The following STPG2 variants were observed in gnomAD, a reference collection of about 807,000 sequenced individuals.
STPG2 encodes the protein sperm-tail PG-rich repeat-containing protein 2.
In STPG2, 56 loss-of-function variants were observed where a neutral mutation model predicts 54.2. The observed-to-expected ratio is 1.03, with a 90% CI of 0.83 to 1.29. The LOEUF is 1.29. Among genes scored for constraint, STPG2 ranks in the 50% most tolerant of loss-of-function variants. The pLI is 0.00. For synonymous variants in STPG2, 200 were observed against 181.8 expected, an observed-to-expected ratio of 1.10 and a Z score of -0.81; for missense variants, 596 against 544.9, an observed-to-expected ratio of 1.09 and a Z score of -0.93.
chr4:97,659,310 T>G (rs1399145011), intron 10 of STPG2, among the ~76,000 whole-genome samples: 1 of 152,176 alleles, frequency 6.6e-6, no homozygotes, highest in Non-Finnish European at 1.5e-5. Context: ...TTAATCTTAT[T>G]TGGCTTGGAT....
At chr4:97,819,148 T>G (rs1375122012) in intron 9 of STPG2, among the ~76,000 whole-genome samples, 1 of 151,768 alleles carries the variant, frequency 6.6e-6, no homozygotes, top group Non-Finnish European at 1.5e-5. Flanking sequence ...CACTCAGAAT[T>G]ATCCTGCATT....
intron 5 of STPG2, among the ~76,000 whole-genome samples, chr4:98,015,048 C>T (rs985090415): frequency 6.6e-5 from 10 of 151,942 alleles, no homozygotes; most frequent in South Asian, 6.2e-4. Flanking sequence ...TTGTTGTTTA[C>T]GTTTAGGAAT....
intron 4 of STPG2, among the ~76,000 whole-genome samples, chr4:97,468,986 C>G (rs1345842617): frequency 2.6e-5 from 4 of 152,086 alleles, no homozygotes; most frequent in Admixed American, 2.6e-4. Flanking sequence ...ATAAAAAACA[C>G]ATACAACCAA....
At chr4:97,850,262 G>T (rs1284140583) in intron 8 of STPG2, among the ~76,000 whole-genome samples, 1 of 92,694 alleles carries the variant, frequency 1.1e-5, no homozygotes, top group Non-Finnish European at 1.9e-5. Context: ...CACACTCTGG[G>T]GACTGTGGTG....
intron 4 of STPG2, among the ~76,000 whole-genome samples, chr4:97,462,434 C>T (rs556338224): frequency 6.1e-4 from 93 of 151,976 alleles, no homozygotes; most frequent in Admixed American, 7.2e-4. Flanking sequence ...AATTTTCACA[C>T]ACACATACAA....
intron 10 of STPG2, among the ~76,000 whole-genome samples, chr4:97,618,405 G>T (rs546448818): frequency 6.6e-6 from 1 of 151,830 alleles, no homozygotes; most frequent in Non-Finnish European, 1.5e-5. Context: ...ACTGAACCCA[G>T]TCAACTCCCA....
intron 8 of STPG2, among the ~76,000 whole-genome samples, chr4:97,858,080 T>C (rs1729390170): frequency 6.6e-6 from 1 of 152,086 alleles, no homozygotes; most frequent in Non-Finnish European, 1.5e-5. Context: ...ATCTAAGAGT[T>C]ATTGGCCATA....
intron 5 of STPG2, among the ~76,000 whole-genome samples, chr4:98,022,673 G>T (rs891621347): frequency 6.6e-6 from 1 of 152,052 alleles, no homozygotes; most frequent in African/African-American, 2.4e-5. Flanking sequence ...CGTAGATTTG[G>T]TCTTTTCACA....
At chr4:98,063,600 T>C (rs1371134735) in intron 5 of STPG2, among the ~76,000 whole-genome samples, 1 of 152,082 alleles carries the variant, frequency 6.6e-6, no homozygotes, top group Non-Finnish European at 1.5e-5. Context: ...GCATTCAAGT[T>C]AAGATGTTTA....
At chr4:97,467,591 C>T (rs1484808344) in intron 4 of STPG2, among the ~76,000 whole-genome samples, 1 of 151,604 alleles carries the variant, frequency 6.6e-6, no homozygotes, top group African/African-American at 2.4e-5. Flanking sequence ...ATTCATAAAG[C>T]CTATTAAAAA....
At chr4:97,970,920 GGGCTAATA>G (rs1384906267) in intron 7 of STPG2, among the ~76,000 whole-genome samples, 1 of 152,108 alleles carries the variant, frequency 6.6e-6, no homozygotes, top group Non-Finnish European at 1.5e-5. Flanking sequence ...ATCTGACAAA[GGGCTAATA>G]TCCAGAATCT....
At chr4:97,737,009 A>C (rs1725025045) in intron 9 of STPG2, among the ~76,000 whole-genome samples, 1 of 152,180 alleles carries the variant, frequency 6.6e-6, no homozygotes, top group Admixed American at 6.5e-5. Context: ...CCTCTGAGAC[A>C]AAACTTCCAG....
At chr4:97,526,942 C>T (rs1731293717) in intron 4 of STPG2, among the ~76,000 whole-genome samples, 1 of 151,804 alleles carries the variant, frequency 6.6e-6, no homozygotes, top group Admixed American at 6.6e-5. Flanking sequence ...AATCCATTCC[C>T]CATTGCTTGT....
intron 7 of STPG2, among the ~76,000 whole-genome samples, chr4:97,945,369 G>T (rs1733168872): frequency 6.6e-6 from 1 of 152,062 alleles, no homozygotes; most frequent in South Asian, 2.1e-4. Flanking sequence ...CTCCATCCAA[G>T]TTGCTGCAGA....
At chr4:97,910,186 A>G (rs2149198717) in intron 8 of STPG2, among the ~76,000 whole-genome samples, 1 of 152,104 alleles carries the variant, frequency 6.6e-6, no homozygotes, top group East Asian at 1.9e-4. Flanking sequence ...CATTCCTCCC[A>G]CTCACCACCG....
chr4:97,580,655 T>C (rs966003050), intron 10 of STPG2, among the ~76,000 whole-genome samples: 5 of 151,956 alleles, frequency 3.3e-5, no homozygotes, highest in Non-Finnish European at 7.4e-5. Flanking sequence ...AGCCTCCAAA[T>C]AACGACAAAC....
chr4:97,875,149 C>G (rs1467354406), intron 8 of STPG2, among the ~76,000 whole-genome samples: 2 of 151,844 alleles, frequency 1.3e-5, no homozygotes, highest in Admixed American at 1.3e-4. Flanking sequence ...ATAAGACTGC[C>G]ATAAACGTTC....
At chr4:97,848,368 G>A (rs111760122) in intron 8 of STPG2, among the ~76,000 whole-genome samples, 11 of 152,188 alleles carry the variant, frequency 7.2e-5, no homozygotes, top group African/African-American at 1.2e-4. Context: ...AAAGCTGTCC[G>A]ATGAGAAGGA....
chr4:97,879,760 G>A (rs572160289), intron 8 of STPG2, among the ~76,000 whole-genome samples: 1 of 152,006 alleles, frequency 6.6e-6, no homozygotes, highest in African/African-American at 2.4e-5. Context: ...ACACAATAGG[G>A]TATCATCTCA....
Sources: allele counts gnomAD v4.1 joint callset (sites outside exome capture counted in the v4.1 genomes callset), GRCh38; gene constraint gnomAD v4.1.1; transcripts MANE v1.5; gene names NCBI Gene and HGNC (gene_info 2026-07-23, HGNC 2026-07-21).